Variants in NEK11 observed in about 807,000 individuals in gnomAD.
NEK11 encodes the protein serine/threonine-protein kinase Nek11.
NEK11 carries 72 observed loss-of-function variants against 80.7 expected under a neutral mutation model. That is an observed-to-expected ratio of 0.89 (90% confidence interval 0.74 to 1.08). NEK11 has a LOEUF of 1.08. NEK11 is among the 50% of genes least tolerant of loss of function. NEK11 has a pLI of 0.00. For synonymous variants in NEK11, 251 were observed against 260.7 expected (o/e 0.96, Z 0.36); for missense variants, 764 against 763.6 (o/e 1.00, Z -0.01).
chr3:131,120,290 A>G (rs1560501723), intron 5 of NEK11, among the ~76,000 whole-genome samples: 1 of 152,172 alleles, frequency 6.6e-6, no homozygotes, highest in Non-Finnish European at 1.5e-5. Flanking sequence ...TTTCTTTAAG[A>G]ATGTTGAATA....
chr3:131,302,729 G>T (rs561751372), intron 17 of NEK11, among the ~76,000 whole-genome samples: 1 of 152,136 alleles, frequency 6.6e-6, no homozygotes, highest in South Asian at 2.1e-4. Context: ...GTATGATTTC[G>T]ATTTTTTTTC....
chr3:131,328,938 C>T (rs2097023730), intron 17 of NEK11: 1 of 152,244 alleles, frequency 6.6e-6, no homozygotes, highest in South Asian at 2.1e-4. Flanking sequence ...CCTCAGAGGA[C>T]TCCATGGGCA....
chr3:131,256,945 A>G (rs990753505), intron 16 of NEK11, among the ~76,000 whole-genome samples: 6 of 152,020 alleles, frequency 3.9e-5, no homozygotes, highest in African/African-American at 1.4e-4. Flanking sequence ...TCCTACCGCA[A>G]ACCTGCCTGG....
At chr3:131,345,045 G>A (rs1020110064) in intron 17 of NEK11, among the ~76,000 whole-genome samples, 1 of 151,898 alleles carries the variant, frequency 6.6e-6, no homozygotes, top group Non-Finnish European at 1.5e-5. Context: ...TTTATTATTT[G>A]CATCTTTTCT....
chr3:131,342,747 A>G (rs934458277), intron 17 of NEK11, among the ~76,000 whole-genome samples: 3 of 152,014 alleles, frequency 2.0e-5, no homozygotes, highest in South Asian at 2.1e-4. Flanking sequence ...GTGTGTGTGT[A>G]TATGTATGCA....
intron 17 of NEK11, among the ~76,000 whole-genome samples, chr3:131,301,133 C>T (rs996415198): frequency 3.9e-5 from 6 of 151,996 alleles, no homozygotes; most frequent in South Asian, 2.1e-4. Flanking sequence ...TTGTTCTTTC[C>T]GTGGCTATTG....
intron 14 of NEK11, among the ~76,000 whole-genome samples, chr3:131,205,386 C>T (rs2094413669): frequency 6.6e-6 from 1 of 152,080 alleles, no homozygotes; most frequent in Non-Finnish European, 1.5e-5. Context: ...ATTAGAGGAA[C>T]CACAAACAGG....
chr3:131,135,951 A>G (rs1330341208), intron 7 of NEK11, among the ~76,000 whole-genome samples: 4 of 152,060 alleles, frequency 2.6e-5, no homozygotes, highest in African/African-American at 7.2e-5. Context: ...TGTCTCAGTT[A>G]TGTCAGTGTT....
chr3:131,037,915 T>TG (rs1332724821), intron 3 of NEK11, among the ~76,000 whole-genome samples: 1 of 152,156 alleles, frequency 6.6e-6, no homozygotes, highest in South Asian at 2.1e-4. Context: ...TTATCTGTGA[T>TG]GGGATAGTGG....
rs138570276 is a variant in NEK11, at chr3:131,116,371, A to G, written c.455+6450A>G. On this transcript the variant is annotated intron_variant, in intron 5 of 17. Transcript: ENST00000383366. Reference sequence around the variant, plus strand: ...GTGCCACATTTTCTTAATCCAGTCTATCACTGATGGAAATTTGGGTTGGTT... The same window carrying G: ...GTGCCACATTTTCTTAATCCAGTCTGTCACTGATGGAAATTTGGGTTGGTT... Among the ~76,000 whole-genome samples, 13 of 152,296 alleles carry G rather than the reference A, an allele frequency of 8.5e-5. No homozygotes were observed. The East Asian group carries it at 2.3e-3, about 27-fold the overall frequency.
intron 12 of NEK11, among the ~76,000 whole-genome samples, chr3:131,168,292 A>G (rs1390164122): frequency 3.3e-5 from 5 of 151,852 alleles, no homozygotes. Context: ...TAAGATGCAG[A>G]TTCTGATTCA....
chr3:131,225,640 T>C (rs2095170767), intron 14 of NEK11, among the ~76,000 whole-genome samples: 1 of 152,220 alleles, frequency 6.6e-6, no homozygotes, highest in Non-Finnish European at 1.5e-5. Context: ...GCTAGAGGCT[T>C]GATTTAAATG....
At chr3:131,195,820 A>ATATATATATG (rs1553929089) in intron 14 of NEK11, among the ~76,000 whole-genome samples, 1 of 143,502 alleles carries the variant, frequency 7.0e-6, no homozygotes, top group African/African-American at 2.5e-5. Flanking sequence ...ATATATATAT[A>ATATATATATG]AAATTGAAGA....
At chr3:131,132,637 G>C (rs988682127) in intron 5 of NEK11, 108 bp from the exon 6 acceptor site, 18 of 611,386 alleles carry the variant, frequency 2.9e-5, no homozygotes, top group Non-Finnish European at 4.6e-5. Context: ...ATATCTATGG[G>C]AGTATATATT....
intron 4 of NEK11, among the ~76,000 whole-genome samples, chr3:131,094,350 A>G (rs1196061503): frequency 6.6e-6 from 1 of 152,114 alleles, no homozygotes; most frequent in East Asian, 1.9e-4. Flanking sequence ...TCATGTCAGA[A>G]CTTATAAAAG....
At chr3:131,272,463 C>CTTTTTTTTTTTTTTTTTTTTTTTTTT (rs869304359) in intron 16 of NEK11, among the ~76,000 whole-genome samples, 6 of 43,900 alleles carry the variant, frequency 1.4e-4, no homozygotes, top group East Asian at 9.4e-4. Flanking sequence ...GTTTTAGCTT[C>CTTTTTTTTTTTTTTTTTTTTTTTTTT]TTTTTTTTTT....
chr3:131,162,500 C>T lies in NEK11; in HGVS notation c.1055C>T (p.Ala352Val), dbSNP rs201806256. 27 of 1,614,032 alleles carry T rather than the reference C, an allele frequency of 1.7e-5. No individual in the cohort carries two copies. The highest frequency in any genetic ancestry group is 1.2e-4 in the African/African-American group (9 of 75,036). Residue 352 changes from alanine (A) to valine (V), a missense_variant, in exon 11 of 18, where the codon GCG becomes GTG. By Grantham distance (64) the Ala-to-Val change is moderately conservative. Coordinates refer to ENST00000383366, the MANE Select transcript of NEK11 (RefSeq NM_024800.5). Reference protein sequence around the residue: ...RERMRLRKLQAADEKARKLKK... With the variant: ...RERMRLRKLQVADEKARKLKK... ...AGGATGCGGCTGAGGAAGCTCCAGGCGGCTGATGAGAAAGCCAGGAAGCTG... is the reference window on the plus strand; with the variant it reads ...AGGATGCGGCTGAGGAAGCTCCAGGTGGCTGATGAGAAAGCCAGGAAGCTG...
At chr3:131,240,088 A>AT (rs566361258) in intron 15 of NEK11, among the ~76,000 whole-genome samples, 76 of 151,554 alleles carry the variant, frequency 5.0e-4, no homozygotes, top group Middle Eastern at 3.4e-3. Context: ...AGTCAATGTA[A>AT]TTTTTTTTTC....
At chr3:131,250,227 C>G (rs1451078904) in intron 16 of NEK11, among the ~76,000 whole-genome samples, 1 of 151,210 alleles carries the variant, frequency 6.6e-6, no homozygotes, top group Non-Finnish European at 1.5e-5. Flanking sequence ...TGATTCAGCA[C>G]CTAACAAATA....
Sources: gnomAD v4.1 joint callset for allele counts (sites outside exome capture counted in the v4.1 genomes callset) on GRCh38, gnomAD v4.1.1 for gene constraint, MANE v1.5 for transcripts, NCBI Gene and HGNC (gene_info 2026-07-23, HGNC 2026-07-21) for gene names.